The following GARRE1 variants were observed in gnomAD, a reference collection of about 807,000 sequenced individuals.
The protein encoded by GARRE1 is granule associated Rac and RHOG effector protein 1.
GARRE1 carries 49 observed loss-of-function variants against 103.2 expected under a neutral mutation model. The ratio of observed to expected loss-of-function variants is 0.47; its 90% confidence interval spans 0.38 to 0.60. The LOEUF (loss-of-function observed/expected upper bound fraction) is 0.60, where lower values mean the gene tolerates loss of function less well. Among genes scored for constraint, GARRE1 ranks in the 20% least tolerant of loss-of-function variants. The pLI is 0.00. For missense variants in GARRE1, 1,199 were observed against 1,370.5 expected, an observed-to-expected ratio of 0.87 and a Z score of 1.98; for synonymous variants, 505 against 532.8, an observed-to-expected ratio of 0.95 and a Z score of 0.72.
intron 3 of GARRE1, 68 bp from the exon 4 acceptor site, chr19:34,327,353 A>T: frequency 7.1e-7 from 1 of 1,407,834 alleles, no homozygotes; most frequent in Non-Finnish European, 9.9e-7. Context: ...TGTTGTTGTT[A>T]TTGTTGGTCT....
At position 34,354,718 on chromosome 19, in the gene GARRE1, A is replaced by G. The variant is rs892413166; in HGVS notation, c.*1763A>G. 1 of 152,422 alleles carries G rather than the reference A, an allele frequency of 6.6e-6. No individual in the cohort carries two copies. The highest frequency in any genetic ancestry group is 2.4e-5 in the African/African-American group (1 of 41,392). The allele number at this position is 152,422 out of a possible 1,614,324, so 9.4% of individuals were successfully genotyped here. A position where few individuals can be genotyped will look rare whatever the true frequency, so the allele number is the denominator to read the frequency against. On this transcript the variant is annotated 3_prime_UTR_variant, in exon 14 of 14. Transcript: ENST00000299505. ...TATATATATATGTATGTATGTATGT[A>G]TGTAAACACACACACTAATTTGAGA... is the stretch of plus-strand genomic sequence containing the variant.
At chr19:34,295,415 A>G (rs1218853974) in intron 1 of GARRE1, among the ~76,000 whole-genome samples, 2 of 152,190 alleles carry the variant, frequency 1.3e-5, no homozygotes, top group Non-Finnish European at 2.9e-5. Flanking sequence ...TTTATGTAGT[A>G]GAGAATTTTG....
At chr19:34,294,441 G>A (rs994990796) in intron 1 of GARRE1, among the ~76,000 whole-genome samples, 3 of 151,140 alleles carry the variant, frequency 2.0e-5, no homozygotes, top group Admixed American at 1.3e-4. Context: ...AAAAAAAAAA[G>A]TGAAATAAAA....
At chr19:34,261,694 G>A (rs911151023) in intron 1 of GARRE1, among the ~76,000 whole-genome samples, 1 of 152,124 alleles carries the variant, frequency 6.6e-6, no homozygotes, top group East Asian at 1.9e-4. Flanking sequence ...GCAAGCATGA[G>A]GTATTTGAGC....
chr19:34,328,239 T>G, intron 6 of GARRE1, 88 bp downstream of exon 6: 1 of 1,464,114 alleles, frequency 6.8e-7, no homozygotes, highest in East Asian at 2.3e-5. Flanking sequence ...AGGATGTAGA[T>G]TAAAAAAAAA....
At chr19:34,266,682 G>T (rs995550663) in intron 1 of GARRE1, among the ~76,000 whole-genome samples, 1 of 152,116 alleles carries the variant, frequency 6.6e-6, no homozygotes, top group African/African-American at 2.4e-5. Flanking sequence ...GGTTTGCTGG[G>T]TATGCAAAAT....
chr19:34,295,994 G>T (rs1274547751), intron 1 of GARRE1, among the ~76,000 whole-genome samples: 3 of 152,098 alleles, frequency 2.0e-5, no homozygotes, highest in African/African-American at 7.2e-5. Context: ...TTTATTTCTG[G>T]ACTTCTAATT....
In GARRE1 at chr19:34,341,446, G is replaced by A. The variant is rs750554758; in HGVS notation, c.1512G>A (p.Gln504=). 2.5e-6 allele frequency: 4 copies of A among 1,612,974 alleles called. No individual in the cohort carries two copies. The highest frequency in any genetic ancestry group is 3.4e-6 in the Non-Finnish European group (4 of 1,179,832). Residue 504 remains glutamine, a synonymous_variant, in exon 10 of 14, where the codon CAG becomes CAA. Coordinates refer to ENST00000299505, the MANE Select transcript of GARRE1 (RefSeq NM_014686.5). ...GGGAGCAAGCTTTACCCTGCATACAGATCCAGCTGCAAAGGGAGATCTGTG... is the reference window on the plus strand; with the variant it reads ...GGGAGCAAGCTTTACCCTGCATACAAATCCAGCTGCAAAGGGAGATCTGTG... ...AGREQALPCI[Q]IQLQREICDF...
intron 10 of GARRE1, among the ~76,000 whole-genome samples, chr19:34,347,312 G>C (rs1336618501): frequency 6.6e-6 from 1 of 151,264 alleles, no homozygotes; most frequent in Non-Finnish European, 1.5e-5. Flanking sequence ...GACTGGTCTT[G>C]AACTCTTGAC....
intron 1 of GARRE1, among the ~76,000 whole-genome samples, chr19:34,272,638 T>G (rs1284653666): frequency 6.6e-6 from 1 of 152,190 alleles, no homozygotes; most frequent in African/African-American, 2.4e-5. Context: ...GAGGTCACTT[T>G]TCATTGCTCC....
chr19:34,329,865 C>T (rs1025544518), intron 6 of GARRE1, among the ~76,000 whole-genome samples: 8 of 151,646 alleles, frequency 5.3e-5, no homozygotes, highest in Non-Finnish European at 1.2e-4. Context: ...ATGCTCTTTT[C>T]CCAGGAGTTC....
chr19:34,305,001 C>A (rs11670656), intron 2 of GARRE1, among the ~76,000 whole-genome samples: 65,340 of 151,868 alleles, frequency 0.43, 17,057 homozygotes, highest in Non-Finnish European at 0.59. Context: ...ACCATGTTAA[C>A]CAGGATGGTC....
intron 1 of GARRE1, among the ~76,000 whole-genome samples, chr19:34,259,760 TC>T (rs2073703673): frequency 1.3e-5 from 2 of 152,076 alleles, no homozygotes; most frequent in African/African-American, 4.8e-5. Context: ...CTCACCCAAA[TC>T]TCATCTTGAA....
At position 34,333,693 on chromosome 19, in the gene GARRE1, TTCGATC is replaced by T; in HGVS notation, c.1264-9_1264-4del. 1.4e-6 allele frequency: 2 copies of T among 1,421,536 alleles called. No homozygotes were observed. The highest frequency in any genetic ancestry group is 1.9e-6 in the Non-Finnish European group (2 of 1,029,698). 88.1% of individuals were successfully genotyped at this position (1,421,536 alleles called of 1,614,324 possible). A position where few individuals can be genotyped will look rare whatever the true frequency, so the allele number is the denominator to read the frequency against. ...TTGTTATTTGTTTTTTTTTTTTTTT[TTCGATC>T]TTAGGTGGTGGTTGACACAGCACAG... On this transcript the variant is annotated splice_region_variant and splice_polypyrimidine_tract_variant and intron_variant, in intron 7 of 13. Transcript: ENST00000299505.
intron 1 of GARRE1, among the ~76,000 whole-genome samples, chr19:34,267,531 TAAAAAC>T (rs1280044159): frequency 1.3e-5 from 2 of 151,972 alleles, no homozygotes; most frequent in Non-Finnish European, 2.9e-5. Context: ...AAAAAATAAG[TAAAAAC>T]AAAAACAAAA....
At chr19:34,284,200 G>A (rs1186165183) in intron 1 of GARRE1, among the ~76,000 whole-genome samples, 1 of 137,780 alleles carries the variant, frequency 7.3e-6, no homozygotes, top group Non-Finnish European at 1.5e-5. Context: ...GTGCAATCTC[G>A]GCTTACTGCA....
chr19:34,309,698 C>T lies in GARRE1; in HGVS notation c.495+8730C>T, dbSNP rs371838731. Reference sequence around the variant, plus strand: ...GCTTGTTATGTTCTGCTTTTGTGTACGTTTGGACCTTTTCCAAGTTTGCAA... The same window carrying T: ...GCTTGTTATGTTCTGCTTTTGTGTATGTTTGGACCTTTTCCAAGTTTGCAA... On this transcript the variant is annotated intron_variant, in intron 2 of 13. Transcript: ENST00000299505. 2.6e-5 allele frequency among the ~76,000 whole-genome samples: 4 copies of T among 151,970 alleles called. No homozygotes were observed. The East Asian group carries it at 5.8e-4, about 22-fold the overall frequency.
chr19:34,278,391 C>T (rs1371031042), intron 1 of GARRE1, among the ~76,000 whole-genome samples: 1 of 142,124 alleles, frequency 7.0e-6, no homozygotes, highest in Non-Finnish European at 1.5e-5. Context: ...TTACAGTAAA[C>T]CGAAATTGTG....
At chr19:34,298,095 G>A (rs542516682) in intron 1 of GARRE1, among the ~76,000 whole-genome samples, 89 of 152,228 alleles carry the variant, frequency 5.8e-4, no homozygotes, top group East Asian at 9.7e-4. Flanking sequence ...ATAAGTAGAC[G>A]AAACTATATA....
Sources: allele counts gnomAD v4.1 joint callset (sites outside exome capture counted in the v4.1 genomes callset), GRCh38; gene constraint gnomAD v4.1.1; transcripts MANE v1.5; gene names NCBI Gene and HGNC (gene_info 2026-07-23, HGNC 2026-07-21).